The following PHLDB3 variants were observed in gnomAD, a reference collection of about 807,000 sequenced individuals.
The protein encoded by PHLDB3 is pleckstrin homology like domain family B member 3.
Under a neutral mutation model 85.7 loss-of-function variants are expected in PHLDB3, and 86 were observed. That is an observed-to-expected ratio of 1.00 (90% CI 0.84 to 1.20). PHLDB3 has a LOEUF of 1.20. Among genes scored for constraint, PHLDB3 ranks in the 50% most tolerant of loss-of-function variants. PHLDB3 has a pLI of 0.00. For missense variants in PHLDB3, 995 were observed against 873.0 expected (o/e 1.14, Z -1.76); for synonymous variants, 376 against 349.8 (o/e 1.07, Z -0.83).
At position 43,478,336 on chromosome 19, in the gene PHLDB3, G is replaced by C. The variant is rs187491146; in HGVS notation, c.1703-204C>G. ...GGGCACAGAAACTGGACATGATTGG[G>C]GAGTGGGGTCTGTGGAGCTGGAATC... On this transcript the variant is annotated intron_variant, in intron 14 of 15. Coordinates refer to ENST00000292140, the MANE Select transcript of PHLDB3 (RefSeq NM_198850.4). 5.3e-3 allele frequency among the ~76,000 whole-genome samples: 811 copies of C among 152,194 alleles called. 7 individuals carry two copies. The highest frequency in any genetic ancestry group is 7.2e-3 in the Non-Finnish European group (492 of 68,012).
chr19:43,492,711 C>T (rs1971349981), intron 9 of PHLDB3, among the ~76,000 whole-genome samples: 1 of 151,726 alleles, frequency 6.6e-6, no homozygotes, highest in Admixed American at 6.6e-5. Flanking sequence ...CACATACTAG[C>T]TGGTTAAACA....
At chr19:43,502,362 A>G (rs1030023178) in intron 2 of PHLDB3, 79 bp from the exon 3 acceptor site, 4 of 1,392,018 alleles carry the variant, frequency 2.9e-6, no homozygotes, top group Middle Eastern at 1.9e-4. Context: ...CCCACCCAAC[A>G]TCACCCTCTG....
At chr19:43,493,581 G>C (rs137921639) in intron 9 of PHLDB3, among the ~76,000 whole-genome samples, 47 of 151,874 alleles carry the variant, frequency 3.1e-4, no homozygotes, top group South Asian at 1.9e-3. Context: ...GCAGTGAGCT[G>C]TGATCCCACC....
intron 4 of PHLDB3, 33 bp from the exon 5 acceptor site, chr19:43,497,909 T>G: frequency 6.3e-7 from 1 of 1,576,576 alleles, no homozygotes; most frequent in Middle Eastern, 1.7e-4. Context: ...ACCCTCAGCT[T>G]AAGCATAGCG....
intron 6 of PHLDB3, chr19:43,496,899 G>T: frequency 3.2e-6 from 2 of 632,098 alleles, no homozygotes; most frequent in Non-Finnish European, 4.5e-6. Flanking sequence ...AATAGAACTT[G>T]CCTCATAAGT....
At chr19:43,498,909 G>A (rs912301875) in intron 4 of PHLDB3, among the ~76,000 whole-genome samples, 6 of 152,226 alleles carry the variant, frequency 3.9e-5, no homozygotes, top group Non-Finnish European at 7.3e-5. Flanking sequence ...CAGGGTGGAA[G>A]AGGATGTGGT....
intron 9 of PHLDB3, among the ~76,000 whole-genome samples, chr19:43,492,586 C>G (rs1971344922): frequency 6.8e-6 from 1 of 147,976 alleles, no homozygotes; most frequent in Non-Finnish European, 1.5e-5. Context: ...GATCGTGTCA[C>G]TGCACTCTGG....
At chr19:43,496,003 C>A in intron 6 of PHLDB3, 1 of 171,714 alleles carries the variant, frequency 5.8e-6, no homozygotes. Flanking sequence ...GGAAAGGAGA[C>A]CCAAGAAAAG....
At chr19:43,493,446 G>T (rs964350289) in intron 9 of PHLDB3, among the ~76,000 whole-genome samples, 4 of 151,952 alleles carry the variant, frequency 2.6e-5, no homozygotes, top group African/African-American at 4.8e-5. Context: ...GACCAGCTTG[G>T]GCAAAAGGAA....
In PHLDB3 at chr19:43,495,516, C is replaced by T. The variant is rs372747796; in HGVS notation, c.930G>A (p.Glu310=). The part of the protein sequence containing the change: ...ESRGLSRKKE[E]ALQALSQERS... ...TCACCTGTGACAGGGCCTGAAGGGC[C>T]TCCTCCTTCTTCCGGCTCAACCCCC... The change falls in exon 7 of 16, where the codon GAG becomes GAA. Residue 310 remains glutamate, a synonymous_variant. Transcript: ENST00000292140. 8.4e-4 allele frequency: 1,342 copies of T among 1,606,162 alleles called. 6 individuals carry two copies. The highest frequency in any genetic ancestry group is 7.3e-3 in the South Asian group (655 of 89,638).
At chr19:43,486,962 C>T (rs1321861952) in intron 10 of PHLDB3, 62 bp downstream of exon 10, 12 of 1,484,578 alleles carry the variant, frequency 8.1e-6, no homozygotes, top group Non-Finnish European at 9.9e-6. Flanking sequence ...GGGTTTCCTC[C>T]ATCCTCTGCT....
chr19:43,490,588 G>A (rs1393163638), intron 9 of PHLDB3, among the ~76,000 whole-genome samples: 2 of 152,042 alleles, frequency 1.3e-5, no homozygotes, highest in African/African-American at 2.4e-5. Flanking sequence ...TAAAAACTCT[G>A]GGAGTTGAGA....
At chr19:43,499,266 G>A (rs572181631) in intron 4 of PHLDB3, among the ~76,000 whole-genome samples, 1 of 152,214 alleles carries the variant, frequency 6.6e-6, no homozygotes, top group Non-Finnish European at 1.5e-5. Flanking sequence ...ACTCTGGCCT[G>A]GTGACCAAAG....
chr19:43,476,773 A>T (rs1970936926), intron 15 of PHLDB3, among the ~76,000 whole-genome samples: 1 of 152,180 alleles, frequency 6.6e-6, no homozygotes, highest in Non-Finnish European at 1.5e-5. Context: ...CAGTTTGGTT[A>T]TTCTCCACAG....
chr19:43,486,559 G>GAGAGGCTGGGGC, intron 12 of PHLDB3, 50 bp downstream of exon 12: 1 of 1,573,436 alleles, frequency 6.4e-7, no homozygotes, highest in South Asian at 1.2e-5. Flanking sequence ...TCTGAGGGAG[G>GAGAGGCTGGGGC]AGAGGCTGGG....
intron 14 of PHLDB3, among the ~76,000 whole-genome samples, chr19:43,478,365 G>GGATTCCA (rs1970970882): frequency 6.6e-6 from 1 of 152,098 alleles, no homozygotes; most frequent in East Asian, 1.9e-4. Context: ...TGGAATCCTA[G>GGATTCCA]GCCCTGAATG....
chr19:43,501,943 C>T, intron 3 of PHLDB3, 72 bp from the exon 4 acceptor site: 2 of 1,496,618 alleles, frequency 1.3e-6, no homozygotes, highest in Non-Finnish European at 1.8e-6. Flanking sequence ...CCTGAACTAC[C>T]GGATTCGAAG....
chr19:43,497,097 C>T (rs1240725866), intron 6 of PHLDB3, 21 bp downstream of exon 6: 8 of 1,436,828 alleles, frequency 5.6e-6, no homozygotes, highest in East Asian at 5.3e-5. Context: ...AGGGGGGCAG[C>T]GCTGGTCAGG....
intron 9 of PHLDB3, among the ~76,000 whole-genome samples, chr19:43,492,414 T>A (rs1971341242): frequency 6.6e-6 from 1 of 151,878 alleles, no homozygotes; most frequent in Non-Finnish European, 1.5e-5. Flanking sequence ...AGACAAAGTC[T>A]CACTCTGTCG....
Sources: gnomAD v4.1 joint callset for allele counts (sites outside exome capture counted in the v4.1 genomes callset) on GRCh38, gnomAD v4.1.1 for gene constraint, MANE v1.5 for transcripts, NCBI Gene and HGNC (gene_info 2026-07-23, HGNC 2026-07-21) for gene names.